Variants in SLC9A2 observed in about 807,000 individuals in gnomAD.
SLC9A2 encodes sodium/hydrogen exchanger 2.
Under a neutral mutation model 71.7 loss-of-function variants are expected in SLC9A2, and 42 were observed. The observed-to-expected ratio is 0.59, with a 90% CI of 0.46 to 0.76. The LOEUF (loss-of-function observed/expected upper bound fraction) is 0.76, where lower values mean the gene tolerates loss of function less well. Ranked by LOEUF, SLC9A2 falls within the 30% of genes least tolerant of loss-of-function variation. The pLI, the probability that SLC9A2 is intolerant of heterozygous loss-of-function variation, is 0.00. For synonymous variants in SLC9A2, 396 were observed against 392.5 expected, an observed-to-expected ratio of 1.01 and a Z score of -0.10; for missense variants, 829 against 1,017.4, an observed-to-expected ratio of 0.81 and a Z score of 2.52.
intron 1 of SLC9A2, among the ~76,000 whole-genome samples, chr2:102,637,178 C>T (rs7567717): frequency 0.077 from 11,657 of 152,164 alleles, 1,349 homozygotes; most frequent in African/African-American, 0.25. Flanking sequence ...CTTCACCTGC[C>T]GTTCCTCACA....
intron 2 of SLC9A2, among the ~76,000 whole-genome samples, chr2:102,664,476 CAT>C (rs1491454007): frequency 1.2e-4 from 18 of 149,202 alleles, no homozygotes; most frequent in Admixed American, 2.0e-4. Context: ...CACACACACA[CAT>C]ACATATGAGT....
At chr2:102,690,256 A>G (rs1309864680) in intron 5 of SLC9A2, among the ~76,000 whole-genome samples, 1 of 152,212 alleles carries the variant, frequency 6.6e-6, no homozygotes, top group African/African-American at 2.4e-5. Flanking sequence ...TGACAAATAC[A>G]GCTGCAAGGT....
intron 10 of SLC9A2, among the ~76,000 whole-genome samples, chr2:102,705,362 A>C (rs536358374): frequency 1.2e-4 from 19 of 152,180 alleles, no homozygotes; most frequent in Non-Finnish European, 2.2e-4. Flanking sequence ...AGTGTTAATT[A>C]AAAGTTAATT....
chr2:102,648,791 C>A (rs548041529), intron 1 of SLC9A2, among the ~76,000 whole-genome samples: 1 of 152,204 alleles, frequency 6.6e-6, no homozygotes, highest in African/African-American at 2.4e-5. Flanking sequence ...CACGAAGGAC[C>A]TCTTCAAGAT....
chr2:102,647,892 C>T (rs1293939275), intron 1 of SLC9A2, among the ~76,000 whole-genome samples: 1 of 152,150 alleles, frequency 6.6e-6, no homozygotes, highest in Non-Finnish European at 1.5e-5. Flanking sequence ...GTCGGATTCA[C>T]AGCCAAACTC....
At chr2:102,681,552 C>T (rs1369251259) in intron 3 of SLC9A2, among the ~76,000 whole-genome samples, 4 of 152,204 alleles carry the variant, frequency 2.6e-5, no homozygotes, top group African/African-American at 9.6e-5. Flanking sequence ...TCCATTCATG[C>T]CTGGCACAAA....
At chr2:102,667,863 A>G (rs1183478388) in intron 3 of SLC9A2, among the ~76,000 whole-genome samples, 2 of 152,054 alleles carry the variant, frequency 1.3e-5, no homozygotes, top group Non-Finnish European at 2.9e-5. Flanking sequence ...CGAGGTCAGG[A>G]GTTCAAGACC....
At chr2:102,671,638 G>A (rs569026615) in intron 3 of SLC9A2, among the ~76,000 whole-genome samples, 14 of 152,264 alleles carry the variant, frequency 9.2e-5, no homozygotes, top group East Asian at 7.7e-4. Flanking sequence ...GGTTTAAACC[G>A]TTTAATTTAG....
intron 5 of SLC9A2, 116 bp downstream of exon 5, chr2:102,684,452 G>C (rs938467813): frequency 4.3e-6 from 4 of 937,412 alleles, no homozygotes; most frequent in South Asian, 2.9e-5. Context: ...TTAATTACTA[G>C]GGAAAATGAT....
intron 2 of SLC9A2, among the ~76,000 whole-genome samples, chr2:102,658,328 G>A (rs751742382): frequency 6.6e-6 from 1 of 152,094 alleles, no homozygotes. Flanking sequence ...GTTCATGCCA[G>A]AGGAACATAT....
intron 3 of SLC9A2, among the ~76,000 whole-genome samples, chr2:102,672,290 C>T (rs538844883): frequency 1.3e-5 from 2 of 152,140 alleles, no homozygotes; most frequent in South Asian, 2.1e-4. Context: ...AGTTTCTTTT[C>T]GTGTTTTTCA....
Position 102,629,718 on chromosome 2 carries a change from T to A in SLC9A2, c.289+9581T>A, listed in dbSNP as rs148878435. On this transcript the variant is annotated intron_variant, in intron 1 of 11. Coordinates refer to ENST00000233969, the MANE Select transcript of SLC9A2 (RefSeq NM_003048.6). ...ATTATATATTCTTTTGCTATTCTTT[T>A]TAAGGATACTATACAGTTTAATGTG... Among the ~76,000 whole-genome samples the A allele has an allele frequency of 3.5e-4, 53 of 152,272 alleles. 1 individual carries two copies. In the East Asian group the frequency reaches 7.5e-3, roughly 22 times the overall value.
intron 1 of SLC9A2, among the ~76,000 whole-genome samples, chr2:102,640,967 A>T (rs1052160715): frequency 1.3e-5 from 2 of 152,198 alleles, no homozygotes; most frequent in Non-Finnish European, 2.9e-5. Flanking sequence ...ATATTATAAC[A>T]GATGCTCCTA....
intron 10 of SLC9A2, among the ~76,000 whole-genome samples, chr2:102,705,529 T>C (rs1209598982): frequency 6.6e-6 from 1 of 152,090 alleles, no homozygotes; most frequent in Non-Finnish European, 1.5e-5. Flanking sequence ...TACATGTAGG[T>C]TCTAAGTCTT....
At chr2:102,634,090 A>G (rs1464572363) in intron 1 of SLC9A2, among the ~76,000 whole-genome samples, 1 of 152,226 alleles carries the variant, frequency 6.6e-6, no homozygotes, top group Non-Finnish European at 1.5e-5. Context: ...GTAACTCAAT[A>G]AAATTTGGAG....
Position 102,702,480 on chromosome 2 carries a change from A to T in SLC9A2, c.1823A>T (p.Asn608Ile). The T allele has an allele frequency of 1.3e-6, 2 of 1,592,070 alleles. No homozygotes were observed. The highest frequency in any genetic ancestry group is 1.7e-6 in the Non-Finnish European group (2 of 1,167,570). The stretch of plus-strand genomic sequence containing the variant: ...GAAATTCGAGAACTCTTATCAAGAA[A>T]TCTCTATCAAATCCGTCAGCGAGTA... Reference protein sequence around the residue: ...TDEIRELLSRNLYQIRQRTLS... With the variant: ...TDEIRELLSRILYQIRQRTLS... Residue 608 changes from asparagine (N) to isoleucine (I), a missense_variant, in exon 9 of 12, where the codon AAT becomes ATT. Physicochemically the swap from Asn to Ile is moderately radical, Grantham distance 149. Transcript: ENST00000233969.
At chr2:102,699,517 G>A (rs1386549089) in intron 7 of SLC9A2, among the ~76,000 whole-genome samples, 1 of 152,190 alleles carries the variant, frequency 6.6e-6, no homozygotes, top group Admixed American at 6.5e-5. Context: ...ATGCCAATTT[G>A]GTGCTCACTA....
chr2:102,698,088 C>G (rs1677801611), intron 7 of SLC9A2, among the ~76,000 whole-genome samples: 1 of 152,158 alleles, frequency 6.6e-6, no homozygotes, highest in African/African-American at 2.4e-5. Flanking sequence ...TCCTTTTACT[C>G]TCTCTAGTGA....
intron 1 of SLC9A2, among the ~76,000 whole-genome samples, chr2:102,651,930 G>A (rs1344044110): frequency 9.6e-6 from 1 of 104,182 alleles, no homozygotes; most frequent in Non-Finnish European, 2.0e-5. Flanking sequence ...AAAAGATAAG[G>A]GTTTTTGTTG....
Sources: gnomAD v4.1 joint callset for allele counts (sites outside exome capture counted in the v4.1 genomes callset) on GRCh38, gnomAD v4.1.1 for gene constraint, MANE v1.5 for transcripts, NCBI Gene and HGNC (gene_info 2026-07-23, HGNC 2026-07-21) for gene names.